Variants in CFAP251 observed in about 807,000 individuals in gnomAD.
The protein encoded by CFAP251 is cilia and flagella associated protein 251, also known as cilia- and flagella-associated protein 251.
In CFAP251, 93 loss-of-function variants were observed where a neutral mutation model predicts 126.7. The ratio of observed to expected loss-of-function variants is 0.73; its 90% CI spans 0.62 to 0.87. The LOEUF is 0.87. Among genes scored for constraint, CFAP251 ranks in the 40% least tolerant of loss-of-function variants. The pLI, the probability that CFAP251 is intolerant of heterozygous loss-of-function variation, is 0.00. For missense variants in CFAP251, 1,287 were observed against 1,389.2 expected (o/e 0.93, Z 1.17); for synonymous variants, 503 against 506.9 (o/e 0.99, Z 0.10).
intron 19 of CFAP251, among the ~76,000 whole-genome samples, chr12:121,982,931 G>A (rs1882658929): frequency 6.6e-6 from 1 of 151,760 alleles, no homozygotes; most frequent in Admixed American, 6.6e-5. Context: ...GCGAGACCCC[G>A]ATCTCTAAAA....
In CFAP251 at chr12:122,003,747, G is replaced by A. The variant is rs552019455; in HGVS notation, c.3433G>A (p.Gly1145Ser). ...ILGLTISEDSGQDGQ is the reference protein window; with the variant it reads ...ILGLTISEDSSQDGQ ...TGGCTTAACCATTTCAGAAGATTCCGGCCAGGATGGTCAGTGAAGTTACCA... is the reference window on the plus strand; with the variant it reads ...TGGCTTAACCATTTCAGAAGATTCCAGCCAGGATGGTCAGTGAAGTTACCA... The change falls in exon 22 of 22, where the codon GGC becomes AGC. Residue 1145 changes from glycine to serine, a missense_variant. Coordinates refer to ENST00000288912, the MANE Select transcript of CFAP251 (RefSeq NM_144668.6). 1.2e-5 allele frequency: 20 copies of A among 1,608,058 alleles called. No homozygotes were observed. The highest frequency in any genetic ancestry group is 1.1e-4 in the East Asian group (5 of 44,546).
chr12:121,995,210 T>C (rs535886343), intron 19 of CFAP251, among the ~76,000 whole-genome samples: 1 of 152,348 alleles, frequency 6.6e-6, no homozygotes, highest in African/African-American at 2.4e-5. Context: ...AGGTCTATCA[T>C]CAAAGATTGC....
At chr12:121,988,255 C>T (rs1318264476) in intron 19 of CFAP251, among the ~76,000 whole-genome samples, 1 of 152,114 alleles carries the variant, frequency 6.6e-6, no homozygotes, top group Non-Finnish European at 1.5e-5. Flanking sequence ...CCACATACCA[C>T]GTAATTCACC....
chr12:121,958,870 A>G, intron 12 of CFAP251, 73 bp from the exon 13 acceptor site: 2 of 1,506,846 alleles, frequency 1.3e-6, no homozygotes, highest in Non-Finnish European at 1.8e-6. Context: ...ACCCAGAACA[A>G]AGCCTGGCAC....
chr12:121,952,872 A>G (rs1379093830), intron 9 of CFAP251: 1 of 152,196 alleles, frequency 6.6e-6, no homozygotes, highest in African/African-American at 2.4e-5. Context: ...AGTTCTCATT[A>G]TTGTTGGTAG....
rs994202606 is a variant in CFAP251, at chr12:121,938,901, C to T, written c.999-3633C>T. On this transcript the variant is annotated intron_variant, in intron 5 of 21. Transcript: ENST00000288912. Reference sequence around the variant, plus strand: ...CCTACTCAGAAGGCTGAGACAGAATCGCTTGAACCCAGGCGGCGGAGGTTG... The same window carrying T: ...CCTACTCAGAAGGCTGAGACAGAATTGCTTGAACCCAGGCGGCGGAGGTTG... Among the ~76,000 whole-genome samples, 11 of 151,852 alleles carry T rather than the reference C, an allele frequency of 7.2e-5. No individual in the cohort carries two copies. The East Asian group carries it at 1.2e-3, about 16-fold the overall frequency.
At chr12:121,948,922 C>A in intron 7 of CFAP251, 62 bp from the exon 8 acceptor site, 1 of 944,328 alleles carries the variant, frequency 1.1e-6, no homozygotes, top group Non-Finnish European at 1.6e-6. Context: ...TTAATTTTAA[C>A]ATTCAGCTTA....
intron 10 of CFAP251, among the ~76,000 whole-genome samples, 157 bp from the exon 11 acceptor site, chr12:121,956,917 T>C (rs1022331884): frequency 6.6e-6 from 1 of 152,240 alleles, no homozygotes; most frequent in African/African-American, 2.4e-5. Context: ...GTTTCCTAGA[T>C]GTAAATTGGG....
At chr12:121,948,252 T>C (rs1881392346) in intron 7 of CFAP251, 1 of 152,258 alleles carries the variant, frequency 6.6e-6, no homozygotes, top group African/African-American at 2.4e-5. Context: ...CCTTCCAATA[T>C]CTTGCATTCA....
intron 5 of CFAP251, among the ~76,000 whole-genome samples, chr12:121,934,757 AG>A (rs1880823936): frequency 6.6e-6 from 1 of 152,156 alleles, no homozygotes; most frequent in African/African-American, 2.4e-5. Flanking sequence ...GGCTTTCCAA[AG>A]CTGCTGTTTC....
intron 3 of CFAP251, among the ~76,000 whole-genome samples, chr12:121,930,753 T>C (rs1428634835): frequency 1.3e-5 from 2 of 149,284 alleles, no homozygotes; most frequent in African/African-American, 4.9e-5. Flanking sequence ...CCTTTCTTTT[T>C]TTTTTTTTTT....
intron 20 of CFAP251, 55 bp from the exon 21 acceptor site, chr12:122,001,442 C>A: frequency 7.3e-7 from 1 of 1,363,934 alleles, no homozygotes; most frequent in Non-Finnish European, 1.1e-6. Flanking sequence ...TAAGCCCTGA[C>A]AGTATGCTTA....
chr12:121,975,133 G>A, intron 17 of CFAP251, 111 bp from the exon 18 acceptor site: 1 of 798,616 alleles, frequency 1.3e-6, no homozygotes, highest in Non-Finnish European at 2.1e-6. Context: ...GACCCTAACT[G>A]TATCTGTGCT....
chr12:121,935,252 C>T (rs531484826), intron 5 of CFAP251, among the ~76,000 whole-genome samples: 7 of 152,292 alleles, frequency 4.6e-5, no homozygotes, highest in Admixed American at 1.3e-4. Flanking sequence ...CCACCGCATC[C>T]GATCTCTCTT....
At chr12:121,951,329 G>T in intron 8 of CFAP251, 151 bp from the exon 9 acceptor site, 5 of 465,474 alleles carry the variant, frequency 1.1e-5, no homozygotes, top group South Asian at 6.2e-5. Flanking sequence ...AATGTTTTTA[G>T]ATATTTCCCA....
intron 5 of CFAP251, among the ~76,000 whole-genome samples, chr12:121,935,082 A>G (rs1331874886): frequency 2.0e-5 from 3 of 152,198 alleles, no homozygotes; most frequent in East Asian, 3.9e-4. Context: ...GATTATAGGC[A>G]TGAGCCACCT....
rs1881831854 is a variant in CFAP251, at chr12:121,958,983, C to T, written c.2022C>T (p.Tyr674=). ...LGAGFTEGTV[Y]ILDAMSLENE... Reference sequence around the variant, plus strand: ...CTGGCTTTACAGAGGGGACAGTTTACATTCTTGATGCAATGTCTTTAGAAA... The same window carrying T: ...CTGGCTTTACAGAGGGGACAGTTTATATTCTTGATGCAATGTCTTTAGAAA... Residue 674 remains tyrosine, a synonymous_variant, in exon 13 of 22, where the codon TAC becomes TAT. Coordinates refer to ENST00000288912, the MANE Select transcript of CFAP251 (RefSeq NM_144668.6). The T allele has an allele frequency of 1.2e-6, 2 of 1,609,180 alleles. No individual in the cohort carries two copies. The highest frequency in any genetic ancestry group is 2.2e-5 in the East Asian group (1 of 44,862).
intron 19 of CFAP251, among the ~76,000 whole-genome samples, chr12:121,991,826 C>T (rs893813319): frequency 1.3e-5 from 2 of 152,100 alleles, no homozygotes; most frequent in African/African-American, 4.8e-5. Context: ...AACCCTGTTG[C>T]TACTAAAAAT....
At chr12:121,937,371 C>G (rs1880936990) in intron 5 of CFAP251, among the ~76,000 whole-genome samples, 1 of 152,192 alleles carries the variant, frequency 6.6e-6, no homozygotes, top group Non-Finnish European at 1.5e-5. Context: ...CCACCCCAGT[C>G]CAGCACAACC....
Sources: gnomAD v4.1 joint callset for allele counts (sites outside exome capture counted in the v4.1 genomes callset) on GRCh38, gnomAD v4.1.1 for gene constraint, MANE v1.5 for transcripts, NCBI Gene and HGNC (gene_info 2026-07-23, HGNC 2026-07-21) for gene names.